The following C8orf34 variants were observed in gnomAD, a reference collection of about 807,000 sequenced individuals.
The protein encoded by C8orf34 is uncharacterized protein C8orf34.
C8orf34 carries 65 observed loss-of-function variants against 68.3 expected under a neutral mutation model. That is an observed-to-expected ratio of 0.95 (90% CI 0.78 to 1.17). The LOEUF is 1.17. C8orf34 is among the 50% of genes most tolerant of loss of function. C8orf34 has a pLI of 0.00. For missense variants in C8orf34, 664 were observed against 655.4 expected (o/e 1.01, Z -0.14); for synonymous variants, 244 against 241.2 (o/e 1.01, Z -0.11).
At chr8:68,587,823 A>T (rs1430023234) in intron 7 of C8orf34, among the ~76,000 whole-genome samples, 1 of 152,108 alleles carries the variant, frequency 6.6e-6, no homozygotes. Flanking sequence ...TGGCTGTTTA[A>T]ATAGGAGAAA....
chr8:68,642,448 G>T (rs1819039752), intron 8 of C8orf34, among the ~76,000 whole-genome samples: 1 of 152,034 alleles, frequency 6.6e-6, no homozygotes, highest in South Asian at 2.1e-4. Context: ...GAGAATCTGA[G>T]ATTTTTTCCC....
At chr8:68,780,075 C>T (rs979185830) in intron 11 of C8orf34, among the ~76,000 whole-genome samples, 9 of 152,104 alleles carry the variant, frequency 5.9e-5, no homozygotes, top group South Asian at 2.1e-4. Context: ...GCTGAAATGA[C>T]ATTATAAATC....
chr8:68,622,599 T>G (rs1031691992), intron 7 of C8orf34, among the ~76,000 whole-genome samples: 3 of 152,192 alleles, frequency 2.0e-5, no homozygotes, highest in African/African-American at 7.2e-5. Context: ...TAAGTGAGCA[T>G]AAGAGACAAT....
intron 10 of C8orf34, among the ~76,000 whole-genome samples, chr8:68,749,076 C>T (rs371902820): frequency 2.0e-5 from 3 of 151,784 alleles, no homozygotes; most frequent in East Asian, 3.9e-4. Context: ...GATGAGTTCA[C>T]GTCCTTTGTA....
intron 1 of C8orf34, among the ~76,000 whole-genome samples, chr8:68,335,426 C>T (rs1422829895): frequency 6.6e-6 from 1 of 151,964 alleles, no homozygotes; most frequent in Non-Finnish European, 1.5e-5. Flanking sequence ...TGATCTTCCC[C>T]AGTGCTCAAA....
chr8:68,515,512 G>T (rs973707085), intron 5 of C8orf34, among the ~76,000 whole-genome samples: 5 of 151,766 alleles, frequency 3.3e-5, no homozygotes, highest in Non-Finnish European at 5.9e-5. Flanking sequence ...AAACCCAAAT[G>T]ATCTTATGTC....
chr8:68,473,076 TC>T lies in C8orf34; in HGVS notation c.736+4257del, dbSNP rs552878283. ...TTGAAAGAGTAGTTGTGAAGCGGCA[TC>T]GTTGTCTGGGGTAAATACCCGAGGT... On this transcript the variant is annotated intron_variant, in intron 4 of 13. Coordinates refer to ENST00000518698, the MANE Select transcript of C8orf34 (RefSeq NM_052958.4). Among the ~76,000 whole-genome samples the T allele has an allele frequency of 3.7e-3, 560 of 152,322 alleles. 3 individuals are homozygous for T. The highest frequency in any genetic ancestry group is 0.013 in the African/African-American group (522 of 41,582).
intron 10 of C8orf34, among the ~76,000 whole-genome samples, chr8:68,767,257 A>C (rs1280575460): frequency 6.6e-6 from 1 of 152,216 alleles, no homozygotes; most frequent in Non-Finnish European, 1.5e-5. Context: ...TCAGTATTCC[A>C]GTCACAACCT....
chr8:68,442,743 A>G (rs1242622415), intron 2 of C8orf34, among the ~76,000 whole-genome samples: 3 of 152,196 alleles, frequency 2.0e-5, no homozygotes, highest in African/African-American at 7.2e-5. Flanking sequence ...AGGTAGCAGC[A>G]ATATCAGGGA....
At chr8:68,742,425 C>T (rs1246915674) in intron 10 of C8orf34, among the ~76,000 whole-genome samples, 1 of 152,154 alleles carries the variant, frequency 6.6e-6, no homozygotes, top group Non-Finnish European at 1.5e-5. Flanking sequence ...GTGTAAAGTC[C>T]TTTAACATCC....
At chr8:68,641,010 A>G (rs1818991342) in intron 8 of C8orf34, among the ~76,000 whole-genome samples, 1 of 152,218 alleles carries the variant, frequency 6.6e-6, no homozygotes, top group Non-Finnish European at 1.5e-5. Context: ...GTGGCCAAAG[A>G]AGTAGCTTGT....
intron 10 of C8orf34, among the ~76,000 whole-genome samples, chr8:68,744,622 G>C (rs1822421659): frequency 6.6e-6 from 1 of 152,176 alleles, no homozygotes; most frequent in Non-Finnish European, 1.5e-5. Flanking sequence ...TCAACTGGAA[G>C]AAAGAGTATC....
At chr8:68,807,204 G>A (rs561784510) in intron 12 of C8orf34, among the ~76,000 whole-genome samples, 1 of 152,280 alleles carries the variant, frequency 6.6e-6, no homozygotes, top group South Asian at 2.1e-4. Flanking sequence ...TCAAGCAGTT[G>A]TAGGTAATAC....
chr8:68,781,538 T>C (rs1390329719), intron 11 of C8orf34, among the ~76,000 whole-genome samples: 1 of 152,218 alleles, frequency 6.6e-6, no homozygotes, highest in East Asian at 1.9e-4. Flanking sequence ...GGAAAATGTA[T>C]ATCTGAATAA....
chr8:68,368,273 A>T (rs1435267561), intron 1 of C8orf34, among the ~76,000 whole-genome samples: 2 of 152,154 alleles, frequency 1.3e-5, no homozygotes, highest in Non-Finnish European at 2.9e-5. Context: ...ATTCTTCCTT[A>T]GATAGACATT....
At chr8:68,407,131 C>A (rs1295852380) in intron 1 of C8orf34, among the ~76,000 whole-genome samples, 5 of 152,164 alleles carry the variant, frequency 3.3e-5, no homozygotes, top group East Asian at 3.9e-4. Context: ...GAAGGACTTA[C>A]AAAATGTCAG....
At chr8:68,651,474 G>A (rs906411902) in intron 8 of C8orf34, among the ~76,000 whole-genome samples, 6 of 152,168 alleles carry the variant, frequency 3.9e-5, no homozygotes, top group African/African-American at 1.2e-4. Context: ...GAGAATATCT[G>A]TGATATGTGG....
intron 7 of C8orf34, among the ~76,000 whole-genome samples, chr8:68,637,668 G>A (rs182183946): frequency 3.3e-4 from 50 of 152,206 alleles, no homozygotes; most frequent in African/African-American, 1.2e-3. Flanking sequence ...CTCCTATGAA[G>A]GCTGTTGAAT....
chr8:68,466,852 G>T (rs55654401), intron 3 of C8orf34, among the ~76,000 whole-genome samples: 62,396 of 149,244 alleles, frequency 0.42, 13,736 homozygotes, highest in East Asian at 0.58. Flanking sequence ...AATAGATATT[G>T]CCAGATTACT....
Sources: gnomAD v4.1 joint callset for allele counts (sites outside exome capture counted in the v4.1 genomes callset) on GRCh38, gnomAD v4.1.1 for gene constraint, MANE v1.5 for transcripts, NCBI Gene and HGNC (gene_info 2026-07-23, HGNC 2026-07-21) for gene names.